Variants in ROBO1 observed in about 807,000 individuals in gnomAD.
ROBO1 encodes the protein roundabout guidance receptor 1.
ROBO1 carries 149 observed loss-of-function variants against 195.9 expected under a neutral mutation model. That is an observed-to-expected ratio of 0.76 (90% confidence interval 0.67 to 0.87). ROBO1 has a LOEUF of 0.87. Ranked by LOEUF, ROBO1 falls within the 40% of genes least tolerant of loss-of-function variation. The probability of loss-of-function intolerance (pLI) is 0.00; values close to 1 mark genes in which losing one functional copy is unlikely to be tolerated. For missense variants in ROBO1, 1,933 were observed against 2,068.3 expected, an observed-to-expected ratio of 0.93 and a Z score of 1.27; for synonymous variants, 816 against 733.2, an observed-to-expected ratio of 1.11 and a Z score of -1.82.
At position 78,635,824 on chromosome 3, in the gene ROBO1, C is replaced by G. The variant is rs375485020; in HGVS notation, c.3322G>C (p.Glu1108Gln). The change falls in exon 23 of 31, where the codon GAA becomes CAA. Residue 1108 changes from glutamate to glutamine, a missense_variant. By Grantham distance (29) the Glu-to-Gln change is conservative. Around this residue, in one of 3 missense-constraint regions of ROBO1, gnomAD observed 1,737 missense variants for 1,882.5 expected, o/e 0.92. Coordinates refer to ENST00000464233, the MANE Select transcript of ROBO1 (RefSeq NM_002941.4). Reference sequence around the variant, plus strand: ...ATGTTGTACTGAACTGGTGCCACTTCTTGTTTCTGCTGTCCCAGTGGTTTC... The same window carrying G: ...ATGTTGTACTGAACTGGTGCCACTTGTTGTTTCTGCTGTCCCAGTGGTTTC... ...HWKPLGQQKQEVAPVQYNIVE... is the reference protein window; with the variant it reads ...HWKPLGQQKQQVAPVQYNIVE... The G allele has an allele frequency of 1.1e-5, 17 of 1,613,722 alleles. No individual in the cohort carries two copies. Among genetic ancestry groups the G allele is most frequent in the Non-Finnish European group, 1.4e-5 (16 of 1,179,816 alleles).
At chr3:78,716,083 T>G (rs913801744) in intron 7 of ROBO1, among the ~76,000 whole-genome samples, 36 of 152,188 alleles carry the variant, frequency 2.4e-4, no homozygotes, top group African/African-American at 8.7e-4. Flanking sequence ...GGAATATTCT[T>G]TTCTTCTTCC....
chr3:78,817,018 G>C (rs967347737), intron 4 of ROBO1, among the ~76,000 whole-genome samples: 38 of 152,052 alleles, frequency 2.5e-4, no homozygotes, highest in African/African-American at 9.2e-4. Flanking sequence ...TAAAACATTA[G>C]ATTGAATTAG....
chr3:78,990,259 A>G (rs1416462366), intron 3 of ROBO1, among the ~76,000 whole-genome samples: 1 of 152,208 alleles, frequency 6.6e-6, no homozygotes, highest in African/African-American at 2.4e-5. Context: ...GTAAGAATAA[A>G]TGAATAAACT....
chr3:79,014,201 G>C (rs1198294837), intron 3 of ROBO1, among the ~76,000 whole-genome samples: 1 of 152,126 alleles, frequency 6.6e-6, no homozygotes, highest in East Asian at 1.9e-4. Context: ...CGGGCACACT[G>C]GTTCATCCCT....
At chr3:78,871,917 T>C (rs1165710780) in intron 4 of ROBO1, among the ~76,000 whole-genome samples, 1 of 152,170 alleles carries the variant, frequency 6.6e-6, no homozygotes, top group Admixed American at 6.6e-5. Flanking sequence ...GATGCTCAAC[T>C]ATATTAAAAC....
chr3:78,739,789 C>T (rs557020860), intron 5 of ROBO1, among the ~76,000 whole-genome samples: 40 of 152,204 alleles, frequency 2.6e-4, no homozygotes, highest in African/African-American at 9.4e-4. Context: ...TTCAAGACCA[C>T]CACAACTTCC....
At chr3:78,754,491 A>G (rs2082877686) in intron 4 of ROBO1, among the ~76,000 whole-genome samples, 1 of 152,186 alleles carries the variant, frequency 6.6e-6, no homozygotes, top group South Asian at 2.1e-4. Context: ...TTCTGTATTT[A>G]TTGCCTGGCT....
intron 2 of ROBO1, among the ~76,000 whole-genome samples, chr3:79,451,161 AAAGTC>A (rs140699260): frequency 0.011 from 1,688 of 152,188 alleles, 32 homozygotes; most frequent in African/African-American, 0.039. Flanking sequence ...TACAGTATCT[AAAGTC>A]AATATAGAAT....
intron 4 of ROBO1, among the ~76,000 whole-genome samples, chr3:78,778,209 T>C (rs193234408): frequency 2.4e-4 from 36 of 152,272 alleles, no homozygotes; most frequent in African/African-American, 8.2e-4. Flanking sequence ...GGATAAGCTT[T>C]TTGATGTGAT....
At chr3:79,644,564 T>A (rs1576169396) in intron 1 of ROBO1, among the ~76,000 whole-genome samples, 1 of 152,222 alleles carries the variant, frequency 6.6e-6, no homozygotes, top group Non-Finnish European at 1.5e-5. Flanking sequence ...TCAGATCTCA[T>A]GAGACTTATT....
chr3:79,183,675 T>A (rs1449871570), intron 2 of ROBO1, among the ~76,000 whole-genome samples: 1 of 152,236 alleles, frequency 6.6e-6, no homozygotes, highest in Non-Finnish European at 1.5e-5. Context: ...AGAAAGGACC[T>A]GCTTAAGGTA....
At chr3:79,366,909 A>G (rs1361574117) in intron 2 of ROBO1, among the ~76,000 whole-genome samples, 1 of 152,176 alleles carries the variant, frequency 6.6e-6, no homozygotes. Context: ...GGAAGCTCTT[A>G]AGTTTACATT....
At chr3:79,226,576 T>G (rs1201025727) in intron 2 of ROBO1, among the ~76,000 whole-genome samples, 3 of 151,344 alleles carry the variant, frequency 2.0e-5, no homozygotes, top group Non-Finnish European at 2.9e-5. Flanking sequence ...AGTTTCCCTC[T>G]GTCACCCAGT....
chr3:79,010,565 C>T (rs915625370), intron 3 of ROBO1, among the ~76,000 whole-genome samples: 2 of 152,094 alleles, frequency 1.3e-5, no homozygotes, highest in Non-Finnish European at 2.9e-5. Context: ...TGGGCCTATA[C>T]TACTACATCG....
At chr3:79,187,063 A>G (rs2081453125) in intron 2 of ROBO1, among the ~76,000 whole-genome samples, 1 of 152,104 alleles carries the variant, frequency 6.6e-6, no homozygotes, top group Non-Finnish European at 1.5e-5. Context: ...CTAGTTTGAG[A>G]AGAATGCTGT....
chr3:79,668,604 G>C lies in ROBO1; in HGVS notation c.-50-78643C>G, dbSNP rs574186862. Among the ~76,000 whole-genome samples the C allele has an allele frequency of 5.3e-5, 8 of 151,666 alleles. No homozygotes were observed. In the East Asian group the frequency reaches 1.4e-3, roughly 26 times the overall value. ...GGGAAAGACCAATACCCCCACTTCT[G>C]TTCCACACACCAAAAACAAATAAAC... On this transcript the variant is annotated intron_variant, in intron 1 of 30. Coordinates refer to ENST00000464233, the MANE Select transcript of ROBO1 (RefSeq NM_002941.4).
chr3:79,084,662 A>G (rs2079335154), intron 3 of ROBO1, among the ~76,000 whole-genome samples: 1 of 152,198 alleles, frequency 6.6e-6, no homozygotes, highest in East Asian at 1.9e-4. Flanking sequence ...ATATTAAATA[A>G]TTTGTCAAAA....
At chr3:78,998,925 C>T (rs1304584716) in intron 3 of ROBO1, among the ~76,000 whole-genome samples, 3 of 151,980 alleles carry the variant, frequency 2.0e-5, no homozygotes, top group African/African-American at 7.2e-5. Context: ...AGAATATCTT[C>T]ATATTCTGTG....
chr3:78,905,393 T>C (rs1450382747), intron 4 of ROBO1, among the ~76,000 whole-genome samples: 1 of 152,052 alleles, frequency 6.6e-6, no homozygotes, highest in Non-Finnish European at 1.5e-5. Flanking sequence ...ATCTCAGTAC[T>C]TTGGGAGGCC....
Sources: gnomAD v4.1 joint callset for allele counts (sites outside exome capture counted in the v4.1 genomes callset) on GRCh38, gnomAD v4.1.1 for gene constraint, gnomAD v4.1.1 regional missense constraint, MANE v1.5 for transcripts, NCBI Gene and HGNC (gene_info 2026-07-23, HGNC 2026-07-21) for gene names.